MIB2: variants seen among roughly 807,000 people sequenced by gnomAD.
The protein encoded by MIB2 is MIB E3 ubiquitin protein ligase 2.
MIB2 carries 78 observed loss-of-function variants against 96.6 expected under a neutral mutation model. The observed-to-expected ratio is 0.81, with a 90% CI of 0.67 to 0.97. The LOEUF (loss-of-function observed/expected upper bound fraction) is 0.97. Ranked by LOEUF, MIB2 falls within the 50% of genes least tolerant of loss-of-function variation. The pLI, the probability that MIB2 is intolerant of heterozygous loss-of-function variation, is 0.00. For synonymous variants in MIB2, 820 were observed against 629.5 expected (o/e 1.30, Z -4.53); for missense variants, 1,543 against 1,424.0 (o/e 1.08, Z -1.35).
At chr1:1,615,710 G>C in intron 1 of MIB2, 77 bp downstream of exon 1, 2 of 1,500,944 alleles carry the variant, frequency 1.3e-6, no homozygotes, top group Non-Finnish European at 1.8e-6. Context: ...CAGAACGCGA[G>C]CGCCGTCCGG....
chr1:1,628,126 C>T lies in MIB2; in HGVS notation c.1788C>T (p.Thr596=), dbSNP rs745686307. The part of the protein sequence containing the change: ...TEVPNIDVTA[T]NSQGFTLLHH... ...TGCCAAACATCGATGTTACCGCCAC[C>T]AACAGCCAGGGTTTCACCCTGCTGC... Residue 596 remains threonine (T), a synonymous_variant, in exon 14 of 20, where the codon ACC becomes ACT. Transcript: ENST00000355826. The T allele has an allele frequency of 5.6e-6, 9 of 1,613,320 alleles. No homozygotes were observed. In the East Asian group the frequency reaches 8.9e-5, roughly 16 times the overall value.
chr1:1,615,579 TC>T lies in MIB2; in HGVS notation c.-180del. The T allele has an allele frequency of 6.5e-7, 1 of 1,546,080 alleles. No individual in the cohort carries two copies. ...AGGAGGGCCTGGGAGCCCGAAGCCG[TC>T]CCCGAGTCGCTCCTAGGTCACTGGC... On this transcript the variant is annotated 5_prime_UTR_variant, in exon 1 of 20. Transcript: ENST00000355826.
chr1:1,630,431 C>A lies in MIB2; in HGVS notation c.2769C>A (p.Phe923Leu). The change falls in exon 20 of 20, where the codon TTC (phenylalanine) becomes TTA (leucine). Residue 923 changes from phenylalanine to leucine, a missense_variant. Transcript: ENST00000355826. Reference sequence around the variant, plus strand: ...TCGACAGCCACATCCGCCTCGTGTTCCAGTGCGGCCACGGCGCATGCGCCC... The same window carrying A: ...TCGACAGCCACATCCGCCTCGTGTTACAGTGCGGCCACGGCGCATGCGCCC... ...ICIDSHIRLVFQCGHGACAPC... is the reference protein window; with the variant it reads ...ICIDSHIRLVLQCGHGACAPC... The A allele has an allele frequency of 6.3e-7, 1 of 1,587,800 alleles. No individual in the cohort carries two copies. The highest frequency in any genetic ancestry group is 8.6e-7 in the Non-Finnish European group (1 of 1,169,296).
chr1:1,624,391 G>C (rs1406982823), intron 4 of MIB2, among the ~76,000 whole-genome samples: 1 of 152,154 alleles, frequency 6.6e-6, no homozygotes, highest in Non-Finnish European at 1.5e-5. Flanking sequence ...GAGTGCTGTT[G>C]GCCAGGCCTG....
intron 2 of MIB2, chr1:1,617,637 G>T (rs1643877501): frequency 6.6e-6 from 1 of 152,208 alleles, no homozygotes. Context: ...GGAAAGCCTG[G>T]TAGCCGAGCG....
chr1:1,627,343 C>G lies in MIB2; in HGVS notation c.1422C>G (p.Tyr474Ter). ...GGACCGCTCTGCAAGTGGCTGCCTA[C>G]CTGGGCCAGGTGGAGTTGATACGGC... Reference protein sequence around the residue: ...QGRTALQVAAYLGQVELIRLL... With the variant: ...QGRTALQVAA The change falls in exon 12 of 20, where the codon TAC (tyrosine) becomes TAG (stop). Residue 474 changes from tyrosine to a stop codon, truncating the protein, a stop_gained. Transcript: ENST00000355826. LOFTEE classifies it high-confidence loss of function. The G allele has an allele frequency of 1.9e-6, 3 of 1,613,154 alleles. No homozygotes were observed. The highest frequency in any genetic ancestry group is 1.7e-6 in the Non-Finnish European group (2 of 1,179,976).
At position 1,623,634 on chromosome 1, in the gene MIB2, G is replaced by A. The variant is rs1398346544; in HGVS notation, c.182G>A (p.Arg61His). The A allele has an allele frequency of 6.1e-6, 9 of 1,479,632 alleles. No homozygotes were observed. Among genetic ancestry groups the A allele is most frequent in the African/African-American group, 1.4e-5 (1 of 71,264 alleles). 91.7% of individuals were successfully genotyped at this position (1,479,632 alleles called of 1,614,324 possible). Residue 61 changes from arginine (R) to histidine (H), a missense_variant, in exon 3 of 20, where the codon CGC becomes CAC. Coordinates refer to ENST00000355826, the MANE Select transcript of MIB2 (RefSeq NM_001170687.4). ...GTCGTGCAGTGGGACCAGGGCACGC[G>A]CACCAACTACCGCGCCGGCTACCAG... ...TVVVQWDQGT[R>H]TNYRAGYQGA... is the part of the protein sequence containing the mutation.
At chr1:1,615,452 G>T (rs777845463), upstream of MIB2, 2 of 1,513,478 alleles carry the variant, frequency 1.3e-6, no homozygotes, top group South Asian at 2.5e-5. Flanking sequence ...CGTGGCGGGG[G>T]CGTGGCCATG....
chr1:1,629,704 G>C lies in MIB2; in HGVS notation c.2629G>C (p.Asp877His). 6.3e-7 allele frequency: 1 copy of C among 1,593,118 alleles called. No individual in the cohort carries two copies. Among genetic ancestry groups the C allele is most frequent in the South Asian group, 1.1e-5 (1 of 88,254 alleles). The stretch of plus-strand genomic sequence containing the variant: ...GGTCGTCAGCAAGAAACTGCGCCCA[G>C]GTGGGTGAGGCTCTGCGCCCCCAAC... ...QVVVSKKLRP[D>H]GSEVASAAPA... The change falls in exon 19 of 20, where the codon GAC becomes CAC. Residue 877 changes from aspartate (D) to histidine (H), a missense_variant and splice_region_variant. Coordinates refer to ENST00000355826, the MANE Select transcript of MIB2 (RefSeq NM_001170687.4).
rs1025526423 is a variant in MIB2, at chr1:1,629,461, C to T, written c.2458C>T (p.His820Tyr). ...LGTPNTVTNL[H>Y]VGAAPGPEAA... Reference sequence around the variant, plus strand: ...GACCCCCAACACCGTGACGAACCTGCACGTGGGCGCCGCGCCGGGGCCCGA... The same window carrying T: ...GACCCCCAACACCGTGACGAACCTGTACGTGGGCGCCGCGCCGGGGCCCGA... The change falls in exon 18 of 20, where the codon CAC (histidine) becomes TAC (tyrosine). Residue 820 changes from histidine to tyrosine, a missense_variant. By Grantham distance (83) the His-to-Tyr change is moderately conservative. Transcript: ENST00000355826. The T allele has an allele frequency of 5.2e-6, 8 of 1,531,614 alleles. No individual in the cohort carries two copies. The highest frequency in any genetic ancestry group is 4.1e-5 in the African/African-American group (3 of 72,372). 94.9% of individuals were successfully genotyped at this position (1,531,614 alleles called of 1,614,324 possible).
chr1:1,621,807 A>C (rs1226673418), intron 2 of MIB2, among the ~76,000 whole-genome samples: 1 of 152,120 alleles, frequency 6.6e-6, no homozygotes, highest in Non-Finnish European at 1.5e-5. Flanking sequence ...GATCGGGGGC[A>C]CGGATCGGGA....
At position 1,627,413 on chromosome 1, in the gene MIB2, G is replaced by A. The variant is rs746547017; in HGVS notation, c.1492G>A (p.Gly498Ser). Residue 498 changes from glycine to serine, a missense_variant, in exon 12 of 20, where the codon GGC becomes AGC. Transcript: ENST00000355826. ...GGGCGTGGACCTGCCGGACGACGAG[G>A]GCAACACGGCACTGCACTACGCGGC... ...RAGVDLPDDE[G>S]NTALHYAALG... The A allele has an allele frequency of 6.8e-6, 11 of 1,612,790 alleles. No individual in the cohort carries two copies. Among genetic ancestry groups the A allele is most frequent in the South Asian group, 5.5e-5 (5 of 91,058 alleles).
chr1:1,627,153 G>A lies in MIB2; in HGVS notation c.1320G>A (p.Val440=), dbSNP rs1388563592. 1 of 1,592,504 alleles carries A rather than the reference G, an allele frequency of 6.3e-7. No individual in the cohort carries two copies. The highest frequency in any genetic ancestry group is 1.8e-5 in the Admixed American group (1 of 56,148). Residue 440 remains valine (V), a synonymous_variant, in exon 11 of 20, where the codon GTG becomes GTA. Coordinates refer to ENST00000355826, the MANE Select transcript of MIB2 (RefSeq NM_001170687.4). ...PEHPGRLVVE[V]ALGNAARALD... is the part of the protein sequence containing the mutation. ...ACCCGGGAAGGCTGGTGGTGGAGGT[G>A]GCGCTGGGTAACGCAGCCCGGGCTC...
intron 4 of MIB2, 120 bp from the exon 5 acceptor site, chr1:1,624,675 G>A (rs1005468461): frequency 2.8e-5 from 26 of 925,434 alleles, no homozygotes; most frequent in Middle Eastern, 2.1e-4. Context: ...CTGGGGCTGC[G>A]GAGCCCAGCA....
chr1:1,625,051 G>T lies in MIB2; in HGVS notation c.587G>T (p.Arg196Leu). The change falls in exon 6 of 20, where the codon CGG becomes CTG. Residue 196 changes from arginine (R) to leucine (L), a missense_variant. By Grantham distance (102) the Arg-to-Leu change is moderately radical. Coordinates refer to ENST00000355826, the MANE Select transcript of MIB2 (RefSeq NM_001170687.4). The surrounding 1 kb of genome is among the most constrained non-coding windows in gnomAD (Gnocchi z 5.0). ...DIRGWDVETG[R>L]SVASVTWADG... Reference sequence around the variant, plus strand: ...CGTGGCTGGGATGTGGAGACAGGCCGGAGTGTGGCCAGCGTGACGTGGGCT... The same window carrying T: ...CGTGGCTGGGATGTGGAGACAGGCCTGAGTGTGGCCAGCGTGACGTGGGCT... The T allele has an allele frequency of 6.2e-7, 1 of 1,613,238 alleles. No individual in the cohort carries two copies. The highest frequency in any genetic ancestry group is 1.1e-5 in the South Asian group (1 of 91,084).
upstream of MIB2, chr1:1,615,185 C>A (rs1161173970): frequency 1.9e-6 from 1 of 523,134 alleles, no homozygotes; most frequent in Non-Finnish European, 3.2e-6. Flanking sequence ...TCCAGGTCTG[C>A]GTGACTCAAA....
intron 2 of MIB2, among the ~76,000 whole-genome samples, chr1:1,621,715 T>C (rs1481153503): frequency 2.5e-4 from 38 of 152,176 alleles, no homozygotes; most frequent in Admixed American, 2.3e-3. Flanking sequence ...GGAGGGAGCA[T>C]TGGAGAGGCC....
intron 12 of MIB2, 72 bp downstream of exon 12, chr1:1,627,516 G>A (rs901204112): frequency 1.3e-6 from 2 of 1,484,594 alleles, no homozygotes; most frequent in Non-Finnish European, 1.8e-6. Flanking sequence ...GGAGGGGCCC[G>A]GCCGGCGGGG....
In MIB2 at chr1:1,625,257, C is replaced by A; in HGVS notation, c.722-29C>A. The A allele has an allele frequency of 1.9e-6, 3 of 1,596,986 alleles. No homozygotes were observed. The South Asian group carries it at 3.3e-5, about 18-fold the overall frequency. ...AAGTCCCAGAGGGGAGGGGCCGCTGCCTGAGGCCTGGTCTGCCACCCTCCG... is the reference window on the plus strand; with the variant it reads ...AAGTCCCAGAGGGGAGGGGCCGCTGACTGAGGCCTGGTCTGCCACCCTCCG... On this transcript the variant is annotated intron_variant, in intron 6 of 19. Transcript: ENST00000355826. The surrounding 1 kb of genome is among the most constrained non-coding windows in gnomAD (Gnocchi z 5.0).
Sources: gnomAD v4.1 joint callset for allele counts (sites outside exome capture counted in the v4.1 genomes callset) on GRCh38, gnomAD v4.1.1 for gene constraint, Gnocchi (gnomAD v3.1) non-coding constraint, MANE v1.5 for transcripts, NCBI Gene and HGNC (gene_info 2026-07-23, HGNC 2026-07-21) for gene names.